FRMD4B: variants seen among roughly 807,000 people sequenced by gnomAD.
The protein encoded by FRMD4B is FERM domain-containing protein 4B.
Under a neutral mutation model 141.5 loss-of-function variants are expected in FRMD4B, and 74 were observed. That is an observed-to-expected ratio of 0.52 (90% confidence interval 0.43 to 0.63). The LOEUF is 0.63. Among genes scored for constraint, FRMD4B ranks in the 30% least tolerant of loss-of-function variants. The pLI is 0.00. For missense variants in FRMD4B, 1,366 were observed against 1,253.4 expected, an observed-to-expected ratio of 1.09 and a Z score of -1.36; for synonymous variants, 506 against 467.9, an observed-to-expected ratio of 1.08 and a Z score of -1.05.
intron 1 of FRMD4B, among the ~76,000 whole-genome samples, 181 bp from the exon 2 acceptor site, chr3:69,313,698 G>C (rs1375298934): frequency 1.3e-5 from 2 of 152,164 alleles, no homozygotes; most frequent in Non-Finnish European, 2.9e-5. Context: ...TTTAAAAGAA[G>C]AACAAAGAGC....
intron 1 of FRMD4B, chr3:69,536,640 G>A (rs1224170674): frequency 2.0e-6 from 2 of 1,009,452 alleles, no homozygotes; most frequent in East Asian, 2.6e-5. Flanking sequence ...GGATGATCCT[G>A]CTGTGGAAGT....
intron 1 of FRMD4B, among the ~76,000 whole-genome samples, chr3:69,502,013 C>T (rs908585049): frequency 3.3e-5 from 5 of 152,028 alleles, no homozygotes; most frequent in Non-Finnish European, 7.4e-5. Flanking sequence ...TACAAACCAC[C>T]ACTCAATGAA....
intron 1 of FRMD4B, among the ~76,000 whole-genome samples, chr3:69,499,572 T>C (rs1226107616): frequency 6.6e-6 from 1 of 152,226 alleles, no homozygotes; most frequent in East Asian, 1.9e-4. Flanking sequence ...TGAAGCTTTA[T>C]ACTGATGATG....
chr3:69,274,057 A>C (rs371482548), intron 5 of FRMD4B, among the ~76,000 whole-genome samples: 4 of 152,146 alleles, frequency 2.6e-5, no homozygotes, highest in African/African-American at 9.7e-5. Context: ...AAAGGCATGG[A>C]GGCTTGAGAA....
chr3:69,354,763 C>A (rs532902675), intron 1 of FRMD4B, among the ~76,000 whole-genome samples: 44 of 152,210 alleles, frequency 2.9e-4, no homozygotes, highest in African/African-American at 1.0e-3. Context: ...TCTTCAGATC[C>A]TTCTAAAGAC....
chr3:69,181,832 C>T, intron 20 of FRMD4B, 122 bp from the exon 21 acceptor site: 1 of 630,440 alleles, frequency 1.6e-6, no homozygotes, highest in Non-Finnish European at 2.8e-6. Flanking sequence ...TTTGAGTTGC[C>T]AAAGCTGACT....
chr3:69,271,319 G>A (rs979169208), intron 5 of FRMD4B, among the ~76,000 whole-genome samples: 1 of 152,216 alleles, frequency 6.6e-6, no homozygotes, highest in African/African-American at 2.4e-5. Context: ...ACCCTGGCTA[G>A]TGCCAACTGG....
chr3:69,430,942 C>T (rs1240363939), intron 2 of FRMD4B, among the ~76,000 whole-genome samples: 1 of 152,182 alleles, frequency 6.6e-6, no homozygotes, highest in African/African-American at 2.4e-5. Context: ...AAGCTCACTT[C>T]TCAGAGGGGG....
At chr3:69,244,972 C>T (rs768360013) in intron 7 of FRMD4B, among the ~76,000 whole-genome samples, 1 of 152,044 alleles carries the variant, frequency 6.6e-6, no homozygotes. Flanking sequence ...CATCTTTTTT[C>T]CCATTATTTA....
chr3:69,484,224 T>G (rs1308204415), intron 1 of FRMD4B, among the ~76,000 whole-genome samples: 3 of 152,110 alleles, frequency 2.0e-5, no homozygotes, highest in Non-Finnish European at 4.4e-5. Flanking sequence ...GATTTAACAG[T>G]TCAAGACAAA....
At position 69,197,040 on chromosome 3, in the gene FRMD4B, T is replaced by G; in HGVS notation, c.954-2A>C. The G allele has an allele frequency of 1.2e-6, 2 of 1,609,860 alleles. No individual in the cohort carries two copies. Among genetic ancestry groups the G allele is most frequent in the Non-Finnish European group, 1.7e-6 (2 of 1,176,842 alleles). ...AAGGTTCTTCTTGAAACTGAAATCCTGAAAGATTAAAGAAAGCACTCAAAT... is the reference window on the plus strand; with the variant it reads ...AAGGTTCTTCTTGAAACTGAAATCCGGAAAGATTAAAGAAAGCACTCAAAT... On this transcript the variant is annotated splice_acceptor_variant, in intron 12 of 22. Coordinates refer to ENST00000398540, the MANE Select transcript of FRMD4B (RefSeq NM_015123.3). LOFTEE classifies it high-confidence loss of function.
upstream of FRMD4B, among the ~76,000 whole-genome samples, chr3:69,389,842 C>A (rs1208199350): frequency 6.6e-6 from 1 of 152,100 alleles, no homozygotes; most frequent in African/African-American, 2.4e-5. Flanking sequence ...TGAAGCTAGT[C>A]TAAAATTTTC....
chr3:69,250,559 T>C (rs1306005412), intron 5 of FRMD4B, among the ~76,000 whole-genome samples: 3 of 152,154 alleles, frequency 2.0e-5, no homozygotes, highest in Admixed American at 6.5e-5. Flanking sequence ...GTAAATATTA[T>C]TAAAAATATA....
Position 69,235,946 on chromosome 3 carries a change from A to G in FRMD4B, c.582-11256T>C, listed in dbSNP as rs573339103. ...ACAGGAAATAGGGAAGGAGCAGAGGAAAGATTTTAACTTTGAGGCTTCAGC... is the reference window on the plus strand; with the variant it reads ...ACAGGAAATAGGGAAGGAGCAGAGGGAAGATTTTAACTTTGAGGCTTCAGC... On this transcript the variant is annotated intron_variant, in intron 7 of 22. Transcript: ENST00000398540. Among the ~76,000 whole-genome samples, 8 of 152,340 alleles carry G rather than the reference A, an allele frequency of 5.3e-5. No individual in the cohort carries two copies. In the South Asian group the frequency reaches 1.4e-3, roughly 28 times the overall value.
chr3:69,443,406 T>A (rs1705367747), intron 1 of FRMD4B, among the ~76,000 whole-genome samples: 1 of 152,214 alleles, frequency 6.6e-6, no homozygotes. Flanking sequence ...GTATCCTTTA[T>A]AATATCTTTT....
intron 1 of FRMD4B, among the ~76,000 whole-genome samples, chr3:69,331,145 C>A (rs762156076): frequency 6.6e-6 from 1 of 152,188 alleles, no homozygotes; most frequent in African/African-American, 2.4e-5. Context: ...TCCTCTTAAA[C>A]AGTATTTCTG....
chr3:69,395,064 A>G (rs1208010216), intron 2 of FRMD4B, among the ~76,000 whole-genome samples: 1 of 152,190 alleles, frequency 6.6e-6, no homozygotes, highest in Non-Finnish European at 1.5e-5. Context: ...TACCTAATGT[A>G]AGCAGGGCTT....
chr3:69,335,807 CT>C (rs1702530987), intron 1 of FRMD4B, among the ~76,000 whole-genome samples: 1 of 150,030 alleles, frequency 6.7e-6, no homozygotes, highest in African/African-American at 2.5e-5. Flanking sequence ...ACTTCAGTCT[CT>C]ACCTCCTAAG....
chr3:69,424,367 C>T (rs1559523888), intron 2 of FRMD4B, among the ~76,000 whole-genome samples: 1 of 152,176 alleles, frequency 6.6e-6, no homozygotes, highest in Non-Finnish European at 1.5e-5. Flanking sequence ...GATCATGGCT[C>T]ACTGCAGCAT....
Sources: gnomAD v4.1 joint callset for allele counts (sites outside exome capture counted in the v4.1 genomes callset) on GRCh38, gnomAD v4.1.1 for gene constraint, MANE v1.5 for transcripts, NCBI Gene and HGNC (gene_info 2026-07-23, HGNC 2026-07-21) for gene names.